Variants in PCDHA5 observed in about 807,000 individuals in gnomAD.
PCDHA5 encodes protocadherin alpha-5.
Under a neutral mutation model 61.6 loss-of-function variants are expected in PCDHA5, and 43 were observed. The observed-to-expected ratio is 0.70, with a 90% CI of 0.55 to 0.90. The LOEUF (loss-of-function observed/expected upper bound fraction) is 0.90, where lower values mean the gene tolerates loss of function less well. Ranked by LOEUF, PCDHA5 falls within the 40% of genes least tolerant of loss-of-function variation. The pLI is 0.00. For missense variants in PCDHA5, 1,298 were observed against 1,222.7 expected, an observed-to-expected ratio of 1.06 and a Z score of -0.92; for synonymous variants, 627 against 543.9, an observed-to-expected ratio of 1.15 and a Z score of -2.13.
chr5:140,856,837 C>A, intron 1 of PCDHA5: 1 of 1,591,918 alleles, frequency 6.3e-7, no homozygotes, highest in Non-Finnish European at 8.6e-7. Flanking sequence ...TAATACGGCT[C>A]AACGCTTCTG....
intron 1 of PCDHA5, among the ~76,000 whole-genome samples, chr5:140,975,597 T>C (rs2096674133): frequency 6.6e-6 from 1 of 152,242 alleles, no homozygotes; most frequent in Non-Finnish European, 1.5e-5. Context: ...GAGGGCAATT[T>C]GTTGATGTCT....
intron 1 of PCDHA5, chr5:140,835,438 T>G (rs1773640668): frequency 6.2e-7 from 1 of 1,613,918 alleles, no homozygotes; most frequent in South Asian, 1.1e-5. Context: ...CAGTTGACTC[T>G]CACTTCCCTG....
chr5:140,937,213 A>AT (rs1339770312), intron 1 of PCDHA5, among the ~76,000 whole-genome samples: 2 of 151,454 alleles, frequency 1.3e-5, no homozygotes, highest in Admixed American at 1.3e-4. Flanking sequence ...AATTTTTTGT[A>AT]TTTTTTGTAG....
intron 1 of PCDHA5, among the ~76,000 whole-genome samples, chr5:140,904,135 G>A (rs1310606905): frequency 6.6e-5 from 10 of 151,986 alleles, no homozygotes; most frequent in Non-Finnish European, 1.0e-4. Context: ...CCCATCACCC[G>A]AGCAGTATAC....
chr5:140,882,189 T>A, intron 1 of PCDHA5: 6 of 1,519,304 alleles, frequency 3.9e-6, no homozygotes, highest in Non-Finnish European at 5.3e-6. Context: ...TAGGAAGCCA[T>A]AAAAATTGGG....
Position 140,958,669 on chromosome 5 carries a change from A to G in PCDHA5, c.2353-20280A>G, listed in dbSNP as rs570899981. On this transcript the variant is annotated intron_variant, in intron 1 of 3. Coordinates refer to ENST00000529859, the MANE Select transcript of PCDHA5 (RefSeq NM_018908.3). ...CACAGAAAGCTATGATGAAATTTTA[A>G]TTATAAAGGATATTGAATATCCTAG... Among the ~76,000 whole-genome samples, 3 of 152,316 alleles carry G rather than the reference A, an allele frequency of 2.0e-5. No individual in the cohort carries two copies. In the East Asian group the frequency reaches 5.8e-4, roughly 29 times the overall value.
chr5:140,893,294 T>C (rs539821362), intron 1 of PCDHA5, among the ~76,000 whole-genome samples: 97 of 152,304 alleles, frequency 6.4e-4, no homozygotes, highest in African/African-American at 2.3e-3. Flanking sequence ...ATATGGTAGT[T>C]CTATTTGTAG....
At position 140,830,064 on chromosome 5, in the gene PCDHA5, C is replaced by T. The variant is rs148379064; in HGVS notation, c.2352+5937C>T. On this transcript the variant is annotated intron_variant, in intron 1 of 3. Transcript: ENST00000529859. Reference sequence around the variant, plus strand: ...CTGGTGAAAGACCACGGTGAGCCGGCGCTGACAGCGACGGCCACGGTTCTG... The same window carrying T: ...CTGGTGAAAGACCACGGTGAGCCGGTGCTGACAGCGACGGCCACGGTTCTG... 52 of 1,613,544 alleles carry T rather than the reference C, an allele frequency of 3.2e-5. No individual in the cohort carries two copies. The African/African-American group carries it at 5.9e-4, about 18-fold the overall frequency.
chr5:140,843,692 T>C, intron 1 of PCDHA5: 2 of 1,586,786 alleles, frequency 1.3e-6, no homozygotes, highest in South Asian at 2.2e-5. Flanking sequence ...AGAGCAAGAT[T>C]TAAATGTTGA....
intron 1 of PCDHA5, among the ~76,000 whole-genome samples, chr5:140,937,928 G>T (rs997116789): frequency 4.0e-5 from 6 of 148,604 alleles, no homozygotes; most frequent in Non-Finnish European, 8.9e-5. Context: ...AAAAAAAAAA[G>T]TTTAATTTGA....
intron 1 of PCDHA5, among the ~76,000 whole-genome samples, chr5:140,878,943 T>C (rs968532854): frequency 6.6e-6 from 1 of 152,220 alleles, no homozygotes; most frequent in Non-Finnish European, 1.5e-5. Context: ...AATAAATATA[T>C]GGTATTGAAA....
chr5:140,961,549 T>C (rs782360372), intron 1 of PCDHA5, among the ~76,000 whole-genome samples: 3 of 152,220 alleles, frequency 2.0e-5, no homozygotes, highest in Non-Finnish European at 4.4e-5. Flanking sequence ...CTGCAGCATT[T>C]CTTTTTTTAA....
At chr5:140,920,746 A>AG (rs1190651507) in intron 1 of PCDHA5, among the ~76,000 whole-genome samples, 2 of 151,430 alleles carry the variant, frequency 1.3e-5, no homozygotes, top group African/African-American at 4.8e-5. Context: ...CAGGAGGCTG[A>AG]GGCAGGAGAA....
At chr5:140,893,510 G>A (rs1554185640) in intron 1 of PCDHA5, among the ~76,000 whole-genome samples, 1 of 152,148 alleles carries the variant, frequency 6.6e-6, no homozygotes, top group African/African-American at 2.4e-5. Flanking sequence ...AAAAAAAGCA[G>A]TTGTAGAACT....
intron 1 of PCDHA5, chr5:140,870,277 G>C: frequency 6.2e-7 from 1 of 1,614,168 alleles, no homozygotes; most frequent in South Asian, 1.1e-5. Flanking sequence ...GACGCCCCAC[G>C]TTCCCTTCAA....
intron 1 of PCDHA5, chr5:140,863,441 C>T (rs1430733740): frequency 1.0e-5 from 6 of 601,724 alleles, no homozygotes; most frequent in Non-Finnish European, 1.9e-5. Context: ...TCTGGTCTTA[C>T]TCGCAGCAAA....
chr5:140,875,410 A>G (rs1459624657), intron 1 of PCDHA5: 3 of 1,502,000 alleles, frequency 2.0e-6, no homozygotes, highest in African/African-American at 1.4e-5. Flanking sequence ...TGCTCATAAA[A>G]TACCTCAGGC....
At chr5:140,883,121 G>C in intron 1 of PCDHA5, 12 of 1,614,070 alleles carry the variant, frequency 7.4e-6, no homozygotes, top group Non-Finnish European at 1.0e-5. Context: ...TAGAAGGCCT[G>C]TATGGCCTGC....
At chr5:140,884,483 C>T (rs376374275) in intron 1 of PCDHA5, 3 of 1,613,862 alleles carry the variant, frequency 1.9e-6, no homozygotes, top group East Asian at 4.5e-5. Flanking sequence ...CAAGCCCACT[C>T]TAGTGTGCTC....
Sources: gnomAD v4.1 joint callset for allele counts (sites outside exome capture counted in the v4.1 genomes callset) on GRCh38, gnomAD v4.1.1 for gene constraint, MANE v1.5 for transcripts, NCBI Gene and HGNC (gene_info 2026-07-23, HGNC 2026-07-21) for gene names.